Variants in KDM1B observed in about 807,000 individuals in gnomAD.
KDM1B encodes the protein lysine-specific histone demethylase 2.
Under a neutral mutation model 107.4 loss-of-function variants are expected in KDM1B, and 63 were observed. The ratio of observed to expected loss-of-function variants is 0.59; its 90% CI spans 0.48 to 0.72. KDM1B has a LOEUF of 0.72. Among genes scored for constraint, KDM1B ranks in the 30% least tolerant of loss-of-function variants. The pLI is 0.00. For missense variants in KDM1B, 749 were observed against 1,020.8 expected, an observed-to-expected ratio of 0.73 and a Z score of 3.63; for synonymous variants, 363 against 363.9, an observed-to-expected ratio of 1.00 and a Z score of 0.03.
chr6:18,164,423 G>A (rs972747418), intron 5 of KDM1B, among the ~76,000 whole-genome samples: 3 of 151,794 alleles, frequency 2.0e-5, no homozygotes, highest in Admixed American at 1.3e-4. Flanking sequence ...GTGGTAGCTC[G>A]AGCCACCACG....
chr6:18,222,288 C>A lies in KDM1B; in HGVS notation c.*296C>A. On this transcript the variant is annotated 3_prime_UTR_variant, in exon 22 of 22. Coordinates refer to ENST00000650836, the MANE Select transcript of KDM1B (RefSeq NM_001364614.2). ...GTTGAGGCCATGGATTTGATTGTTC[C>A]ATGGCTGGAAGTTCCCTTTAGATTT... 1 of 474,348 alleles carries A rather than the reference C, an allele frequency of 2.1e-6. No individual in the cohort carries two copies. The allele number at this position is 474,348 out of a possible 1,614,324, so 29.4% of individuals were successfully genotyped here. A position where few individuals can be genotyped will look rare whatever the true frequency, so the allele number is the denominator to read the frequency against.
chr6:18,220,885 C>G (rs1284610368), intron 21 of KDM1B, among the ~76,000 whole-genome samples: 3 of 151,610 alleles, frequency 2.0e-5, no homozygotes, highest in Non-Finnish European at 4.4e-5. Context: ...AATTCTGTTT[C>G]AGCTGGTGTG....
In KDM1B at chr6:18,201,076, A is replaced by C. The variant is rs1210321853; in HGVS notation, c.1360-410A>C. Reference sequence around the variant, plus strand: ...TTTATTTGAAGAGTTGGTAGGCCCAAGACTTTTTCTGAAATGTTTATTGAT... The same window carrying C: ...TTTATTTGAAGAGTTGGTAGGCCCACGACTTTTTCTGAAATGTTTATTGAT... On this transcript the variant is annotated intron_variant, in intron 13 of 21. Transcript: ENST00000650836. This position sits in a 1 kb window ranked among gnomAD's most constrained non-coding sequence, Gnocchi z 4.3. Among the ~76,000 whole-genome samples, 1 of 152,226 alleles carries C rather than the reference A, an allele frequency of 6.6e-6. No individual in the cohort carries two copies. Among genetic ancestry groups the C allele is most frequent in the South Asian group, 2.1e-4 (1 of 4,834 alleles).
chr6:18,166,074 T>C (rs1785277030), intron 5 of KDM1B, among the ~76,000 whole-genome samples, 193 bp from the exon 6 acceptor site: 1 of 152,164 alleles, frequency 6.6e-6, no homozygotes, highest in South Asian at 2.1e-4. Flanking sequence ...TAGTTTTAGA[T>C]ACTAAAACTG....
At position 18,217,723 on chromosome 6, in the gene KDM1B, T is replaced by C; in HGVS notation, c.2233-10T>C. 1.2e-6 allele frequency: 2 copies of C among 1,609,732 alleles called. No individual in the cohort carries two copies. The highest frequency in any genetic ancestry group is 1.7e-6 in the Non-Finnish European group (2 of 1,178,428). On this transcript the variant is annotated splice_polypyrimidine_tract_variant and intron_variant, in intron 20 of 21. Transcript: ENST00000650836. ...GATCCTACTTCATAATTCCTTTCTA[T>C]TGGACATAGGAGGTCCCAGATCCCA...
intron 14 of KDM1B, among the ~76,000 whole-genome samples, chr6:18,202,531 C>A (rs1266930090): frequency 6.6e-6 from 1 of 152,194 alleles, no homozygotes; most frequent in African/African-American, 2.4e-5. Context: ...TTAAATTTTA[C>A]TGTATTGCTT....
At chr6:18,165,311 T>C (rs1785226396) in intron 5 of KDM1B, among the ~76,000 whole-genome samples, 1 of 151,702 alleles carries the variant, frequency 6.6e-6, no homozygotes, top group African/African-American at 2.4e-5. Context: ...TTTGTATTTT[T>C]AGTAGAGACG....
intron 21 of KDM1B, among the ~76,000 whole-genome samples, chr6:18,221,643 G>T (rs917417075): frequency 6.6e-6 from 1 of 152,124 alleles, no homozygotes; most frequent in Non-Finnish European, 1.5e-5. Context: ...TGTCTTAATT[G>T]TTCTTAACTC....
rs1785009416 is a variant in KDM1B at position 18,162,066 on chromosome 6, A to G, written c.215+612A>G. Among the ~76,000 whole-genome samples, 1 of 152,192 alleles carries G rather than the reference A, an allele frequency of 6.6e-6. No individual in the cohort carries two copies. Among genetic ancestry groups the G allele is most frequent in the African/African-American group, 2.4e-5 (1 of 41,440 alleles). On this transcript the variant is annotated intron_variant, in intron 4 of 21. Transcript: ENST00000650836. The surrounding 1 kb of genome is among the most constrained non-coding windows in gnomAD (Gnocchi z 4.1). ...CCAGGCATGGTGGCATGCGCCTGTAATCCCAGCACTTTGAGAGACCAAGAT... is the reference window on the plus strand; with the variant it reads ...CCAGGCATGGTGGCATGCGCCTGTAGTCCCAGCACTTTGAGAGACCAAGAT...
chr6:18,179,240 G>GA (rs1561920746), intron 7 of KDM1B, among the ~76,000 whole-genome samples: 7 of 151,894 alleles, frequency 4.6e-5, no homozygotes, highest in African/African-American at 7.2e-5. Context: ...CATTCCTGGG[G>GA]GAAAAAAATC....
intron 9 of KDM1B, among the ~76,000 whole-genome samples, chr6:18,189,428 A>G (rs1455460306): frequency 6.6e-6 from 1 of 152,248 alleles, no homozygotes; most frequent in East Asian, 1.9e-4. Context: ...TTGACCCAGC[A>G]GTGCTATTTC....
At chr6:18,183,259 T>TTTG (rs1491113410) in intron 7 of KDM1B, among the ~76,000 whole-genome samples, 3 of 6,590 alleles carry the variant, frequency 4.6e-4, no homozygotes, top group African/African-American at 8.1e-4. Context: ...ATTTTGTGGG[T>TTTG]TTTTTTTTTT....
At chr6:18,215,393 T>C (rs1303368171) in intron 20 of KDM1B, among the ~76,000 whole-genome samples, 1 of 152,206 alleles carries the variant, frequency 6.6e-6, no homozygotes, top group Non-Finnish European at 1.5e-5. Flanking sequence ...GAGATCGAGG[T>C]GTCGGCAGGG....
intron 10 of KDM1B, 91 bp from the exon 11 acceptor site, chr6:18,196,966 A>C: frequency 8.4e-7 from 1 of 1,186,436 alleles, no homozygotes; most frequent in Non-Finnish European, 1.2e-6. Context: ...CAGATCTTTT[A>C]CTTGTCTTTT....
At chr6:18,207,334 T>C (rs1456087186) in intron 15 of KDM1B, 64 bp from the exon 16 acceptor site, 7 of 1,586,428 alleles carry the variant, frequency 4.4e-6, no homozygotes, top group Middle Eastern at 2.1e-4. Context: ...GCTCCTCATA[T>C]TGGCTCTCAG....
Position 18,191,176 on chromosome 6 carries a change from C to G in KDM1B, c.785-21C>G. The G allele has an allele frequency of 6.5e-7, 1 of 1,546,140 alleles. No individual in the cohort carries two copies. Among genetic ancestry groups the G allele is most frequent in the Non-Finnish European group, 8.7e-7 (1 of 1,144,628 alleles). On this transcript the variant is annotated intron_variant, in intron 9 of 21. Coordinates refer to ENST00000650836, the MANE Select transcript of KDM1B (RefSeq NM_001364614.2). The surrounding 1 kb of genome is among the most constrained non-coding windows in gnomAD (Gnocchi z 5.1). ...TGGAAGTTACAGCTTGTAGGAGTTG[C>G]CCATTTGTGTTACCTATCAGTTCCA...
rs963192654 is a variant in KDM1B at position 18,208,344 on chromosome 6, A to G, written c.1866+138A>G. The G allele has an allele frequency of 4.6e-5, 29 of 624,216 alleles. No homozygotes were observed. In the African/African-American group the frequency reaches 4.8e-4, roughly 10 times the overall value. The allele number at this position is 624,216 out of a possible 1,614,324, so 38.7% of individuals were successfully genotyped here. ...TTGTTGGATTTCTGGTAAGTTATGT[A>G]TCTCTACTTAATTGTATGTAGATAT... On this transcript the variant is annotated intron_variant, in intron 17 of 21. Transcript: ENST00000650836.
Position 18,205,538 on chromosome 6 carries a change from A to G in KDM1B, c.1533A>G (p.Glu511=). ...TGCTTTGATCCATTCCCATTACAGA[A>G]AAGATAGAAGAAATCTACAAGGCAT... ...KTQLQDVPLG[E]KIEEIYKAFI... The change falls in exon 15 of 22, where the codon GAA becomes GAG. Residue 511 remains glutamate, a splice_region_variant and synonymous_variant. Coordinates refer to ENST00000650836, the MANE Select transcript of KDM1B (RefSeq NM_001364614.2). The surrounding 1 kb of genome is among the most constrained non-coding windows in gnomAD (Gnocchi z 5.7). 6.5e-7 allele frequency: 1 copy of G among 1,547,566 alleles called. No homozygotes were observed. Among genetic ancestry groups the G allele is most frequent in the Non-Finnish European group, 8.7e-7 (1 of 1,145,360 alleles).
rs375306270 is a variant in KDM1B at position 18,209,756 on chromosome 6, C to T, written c.1866+1550C>T. On this transcript the variant is annotated intron_variant, in intron 17 of 21. Coordinates refer to ENST00000650836, the MANE Select transcript of KDM1B (RefSeq NM_001364614.2). This position sits in a 1 kb window ranked among gnomAD's most constrained non-coding sequence, Gnocchi z 4.3. ...TCGAGTAGCTGGGATTACAGGCATGCACCACCATGCCCGGCTAGTCATGTT... is the reference window on the plus strand; with the variant it reads ...TCGAGTAGCTGGGATTACAGGCATGTACCACCATGCCCGGCTAGTCATGTT... Among the ~76,000 whole-genome samples, 20 of 152,272 alleles carry T rather than the reference C, an allele frequency of 1.3e-4. No homozygotes were observed. Among genetic ancestry groups the T allele is most frequent in the East Asian group, 3.9e-4 (2 of 5,180 alleles).
Sources: allele counts gnomAD v4.1 joint callset (sites outside exome capture counted in the v4.1 genomes callset), GRCh38; gene constraint gnomAD v4.1.1; non-coding constraint Gnocchi (gnomAD v3.1); transcripts MANE v1.5; gene names NCBI Gene and HGNC (gene_info 2026-07-23, HGNC 2026-07-21).